Variants in PPP1R10 observed in about 807,000 individuals in gnomAD.
PPP1R10 encodes protein phosphatase 1 regulatory subunit 10.
PPP1R10 carries 15 observed loss-of-function variants against 99.0 expected under a neutral mutation model. The observed-to-expected ratio is 0.15, with a 90% CI of 0.10 to 0.23. The LOEUF (loss-of-function observed/expected upper bound fraction) is 0.23. Among genes scored for constraint, PPP1R10 ranks in the 10% least tolerant of loss-of-function variants. The probability of loss-of-function intolerance (pLI) is 1.00; values close to 1 mark genes in which losing one functional copy is unlikely to be tolerated. For missense variants in PPP1R10, 947 were observed against 1,259.4 expected, an observed-to-expected ratio of 0.75 and a Z score of 3.75; for synonymous variants, 430 against 449.5, an observed-to-expected ratio of 0.96 and a Z score of 0.55.
chr6:30,613,114 C>T (rs570056698), intron 2 of PPP1R10, among the ~76,000 whole-genome samples: 1 of 152,300 alleles, frequency 6.6e-6, no homozygotes, highest in East Asian at 1.9e-4. Flanking sequence ...TGGCACAAGG[C>T]ATTGGGGAAT....
At chr6:30,605,125 A>C (rs760704521) in intron 10 of PPP1R10, 31 bp from the exon 11 acceptor site, 1 of 1,583,680 alleles carries the variant, frequency 6.3e-7, no homozygotes, top group East Asian at 2.2e-5. Context: ...AAATGGCATC[A>C]TCAGACCTCC....
intron 10 of PPP1R10, among the ~76,000 whole-genome samples, chr6:30,605,538 C>A (rs534298978): frequency 1.3e-5 from 2 of 152,246 alleles, no homozygotes; most frequent in East Asian, 3.9e-4. Context: ...GAAAAAACTT[C>A]TCGTTCCCAG....
chr6:30,609,211 CT>C lies in PPP1R10; in HGVS notation c.108-49del. On this transcript the variant is annotated intron_variant, in intron 3 of 19. Transcript: ENST00000376511. The surrounding 1 kb of genome is among the most constrained non-coding windows in gnomAD (Gnocchi z 4.5). The stretch of plus-strand genomic sequence containing the variant: ...AGAAATGAAGCAGCCAGTATCTCTT[CT>C]CTTAGCAAAAGCGCCTCTCTGTGAA... 6.3e-7 allele frequency: 1 copy of C among 1,587,438 alleles called. No individual in the cohort carries two copies. The highest frequency in any genetic ancestry group is 8.6e-7 in the Non-Finnish European group (1 of 1,157,286).
At position 30,602,358 on chromosome 6, in the gene PPP1R10, C is replaced by T. The variant is rs139301937; in HGVS notation, c.2291G>A (p.Ser764Asn). ...GCCTTCGTGGGGACGATGTCCACTG[C>T]TGTTGCCCATGCCCCCACCAGGGCC... ...HEGPGGGMGN[S>N]SGHRPHEGPG... The change falls in exon 19 of 20, where the codon AGC (serine) becomes AAC (asparagine). Residue 764 changes from serine to asparagine, a missense_variant. Coordinates refer to ENST00000376511, the MANE Select transcript of PPP1R10 (RefSeq NM_002714.4). This position sits in a 1 kb window ranked among gnomAD's most constrained non-coding sequence, Gnocchi z 6.7. The T allele has an allele frequency of 4.3e-4, 693 of 1,612,934 alleles. No individual in the cohort carries two copies. Among genetic ancestry groups the T allele is most frequent in the Non-Finnish European group, 5.5e-4 (654 of 1,179,928 alleles).
intron 2 of PPP1R10, among the ~76,000 whole-genome samples, chr6:30,615,837 A>C (rs920050693): frequency 2.8e-4 from 42 of 152,188 alleles, no homozygotes; most frequent in Admixed American, 1.6e-3. Flanking sequence ...TTTTGTCCTA[A>C]GTGTCTTGCA....
chr6:30,602,760 A>T lies in PPP1R10; in HGVS notation c.1958-69T>A. ...CTGCCATCTCCCAACCTAAACCACC[A>T]CCTCCCACCTTCCAGTCAATCCTAT... On this transcript the variant is annotated intron_variant, in intron 18 of 19. Transcript: ENST00000376511. This position sits in a 1 kb window ranked among gnomAD's most constrained non-coding sequence, Gnocchi z 6.7. The T allele has an allele frequency of 6.4e-7, 1 of 1,561,402 alleles. No individual in the cohort carries two copies. Among genetic ancestry groups the T allele is most frequent in the Non-Finnish European group, 8.7e-7 (1 of 1,149,156 alleles).
rs1478151499 is a variant in PPP1R10 at position 30,609,614 on chromosome 6, C to G, written c.107+224G>C. ...CCTGCTCTCATTCCAAAGCATGACT[C>G]CCTTGGGACCGTGGACGTCCAAATC... On this transcript the variant is annotated intron_variant, in intron 3 of 19. Transcript: ENST00000376511. This position sits in a 1 kb window ranked among gnomAD's most constrained non-coding sequence, Gnocchi z 4.5. Among the ~76,000 whole-genome samples, 1 of 152,176 alleles carries G rather than the reference C, an allele frequency of 6.6e-6. No individual in the cohort carries two copies. The highest frequency in any genetic ancestry group is 1.5e-5 in the Non-Finnish European group (1 of 68,028).
chr6:30,604,421 C>G lies in PPP1R10; in HGVS notation c.1193G>C (p.Ser398Thr). Reference protein sequence around the residue: ...QLTRKGRKRKSVTWPEEGKLR... With the variant: ...QLTRKGRKRKTVTWPEEGKLR... Reference sequence around the variant, plus strand: ...TTTGCCTTCCTCAGGCCATGTCACACTTTTCCTCTTCCTGCCTTTCCGGGT... The same window carrying G: ...TTTGCCTTCCTCAGGCCATGTCACAGTTTTCCTCTTCCTGCCTTTCCGGGT... The change falls in exon 13 of 20, where the codon AGT becomes ACT. Residue 398 changes from serine (S) to threonine (T), a missense_variant. This residue lies in a region of PPP1R10 where 100 missense variants were observed against 105.8 expected (regional missense o/e 0.94). Coordinates refer to ENST00000376511, the MANE Select transcript of PPP1R10 (RefSeq NM_002714.4). The surrounding 1 kb of genome is among the most constrained non-coding windows in gnomAD (Gnocchi z 7.3). 1 of 1,613,650 alleles carries G rather than the reference C, an allele frequency of 6.2e-7. No individual in the cohort carries two copies. The highest frequency in any genetic ancestry group is 8.5e-7 in the Non-Finnish European group (1 of 1,180,040).
chr6:30,601,517 G>A lies in PPP1R10; in HGVS notation c.*32C>T. 6.4e-7 allele frequency: 1 copy of A among 1,571,216 alleles called. No individual in the cohort carries two copies. Among genetic ancestry groups the A allele is most frequent in the South Asian group, 1.1e-5 (1 of 90,094 alleles). ...GGAAAGAGCGAGGCTGCAGTCCACA[G>A]GGGTTGTGTGAACAGGGCAGGCAAA... On this transcript the variant is annotated 3_prime_UTR_variant, in exon 20 of 20. Transcript: ENST00000376511.
At chr6:30,613,152 G>A (rs947834382) in intron 2 of PPP1R10, among the ~76,000 whole-genome samples, 6 of 152,146 alleles carry the variant, frequency 3.9e-5, no homozygotes, top group African/African-American at 7.2e-5. Context: ...AGAGATAAAC[G>A]TCTGTGACAC....
At chr6:30,608,689 CA>C in intron 5 of PPP1R10, 89 bp downstream of exon 5, 2 of 1,454,524 alleles carry the variant, frequency 1.4e-6, no homozygotes, top group South Asian at 2.5e-5. Flanking sequence ...CTCACAGGCC[CA>C]AGATTACAGC....
At position 30,603,512 on chromosome 6, in the gene PPP1R10, C is replaced by G. The variant is rs148152155; in HGVS notation, c.1727G>C (p.Gly576Ala). The G allele has an allele frequency of 1.0e-4, 166 of 1,613,134 alleles. 1 individual carries two copies. The African/African-American group carries it at 1.7e-3, about 16-fold the overall frequency. ...GATCTCTTGGACATTAATGCCTCCT[C>G]CTCCAGGGCCTTGGGGGCCCTTTCC... ...GAGKGPQGPGGGGINVQEILT... is the reference protein window; with the variant it reads ...GAGKGPQGPGAGGINVQEILT... The change falls in exon 16 of 20, where the codon GGA becomes GCA. Residue 576 changes from glycine (G) to alanine (A), a missense_variant. This residue lies in a region of PPP1R10 where 525 missense variants were observed against 578.8 expected (regional missense o/e 0.91). Transcript: ENST00000376511.
chr6:30,613,116 T>C (rs2267640), intron 2 of PPP1R10, among the ~76,000 whole-genome samples: 6,760 of 152,266 alleles, frequency 0.044, 277 homozygotes, highest in African/African-American at 0.11. Flanking sequence ...GCACAAGGCA[T>C]TGGGGAATTT....
chr6:30,607,944 A>T, intron 5 of PPP1R10, 53 bp from the exon 6 acceptor site: 1 of 1,560,164 alleles, frequency 6.4e-7, no homozygotes, highest in Non-Finnish European at 8.8e-7. Context: ...AAATAATTCC[A>T]CTTAGAGCTA....
At position 30,603,664 on chromosome 6, in the gene PPP1R10, C is replaced by G. The variant is rs150312002; in HGVS notation, c.1575G>C (p.Glu525Asp). 1,169 of 1,585,054 alleles carry G rather than the reference C, an allele frequency of 7.4e-4. 7 individuals are homozygous for G. Among genetic ancestry groups the G allele is most frequent in the Admixed American group, 4.9e-3 (259 of 52,396 alleles). The change falls in exon 16 of 20, where the codon GAG becomes GAC. Residue 525 changes from glutamate to aspartate, a missense_variant and splice_region_variant. Coordinates refer to ENST00000376511, the MANE Select transcript of PPP1R10 (RefSeq NM_002714.4). Reference protein sequence around the residue: ...IPPKLIPLDEECSMDETPYVE... With the variant: ...IPPKLIPLDEDCSMDETPYVE... ...CATACGGAGTCTCATCCATGGAACA[C>G]TCCTGAAAGAAGAACAAAAAAAATC...
chr6:30,603,430 G>C (rs747871231), intron 16 of PPP1R10, 42 bp downstream of exon 16: 1 of 1,594,514 alleles, frequency 6.3e-7, no homozygotes, highest in Non-Finnish European at 8.6e-7. Context: ...CGAGCTTAAG[G>C]AGGCTCCACA....
Position 30,602,855 on chromosome 6 carries a change from G to T in PPP1R10, c.1948C>A (p.Pro650Thr). The change falls in exon 18 of 20, where the codon CCT (proline) becomes ACT (threonine). Residue 650 changes from proline to threonine, a missense_variant. Pro to Thr is a conservative substitution (Grantham distance 38). Around this residue, in one of 10 missense-constraint regions of PPP1R10, gnomAD observed 525 missense variants for 578.8 expected, o/e 0.91. Coordinates refer to ENST00000376511, the MANE Select transcript of PPP1R10 (RefSeq NM_002714.4). The surrounding 1 kb of genome is among the most constrained non-coding windows in gnomAD (Gnocchi z 6.7). ...MQHFPPGPGGPMPGPHGGPGG... is the reference protein window; with the variant it reads ...MQHFPPGPGGTMPGPHGGPGG... ...TTTACTCACCACCTACCTGGCATAGGTCCCCCAGGTCCAGGGGGAAAGTGC... is the reference window on the plus strand; with the variant it reads ...TTTACTCACCACCTACCTGGCATAGTTCCCCCAGGTCCAGGGGGAAAGTGC... The T allele has an allele frequency of 6.4e-7, 1 of 1,554,128 alleles. No individual in the cohort carries two copies. Among genetic ancestry groups the T allele is most frequent in the Non-Finnish European group, 8.7e-7 (1 of 1,147,802 alleles).
At chr6:30,608,447 G>A (rs760378426) in intron 5 of PPP1R10, among the ~76,000 whole-genome samples, 24 of 151,882 alleles carry the variant, frequency 1.6e-4, no homozygotes, top group Non-Finnish European at 3.2e-4. Context: ...GACTACAGGC[G>A]CATGCCACCA....
rs371365999 is a variant in PPP1R10 at position 30,612,258 on chromosome 6, G to A, written c.-11-2303C>T. 2.4e-4 allele frequency among the ~76,000 whole-genome samples: 37 copies of A among 152,306 alleles called. 1 individual carries two copies. Among genetic ancestry groups the A allele is most frequent in the African/African-American group, 8.7e-4 (36 of 41,560 alleles). On this transcript the variant is annotated intron_variant, in intron 2 of 19. Coordinates refer to ENST00000376511, the MANE Select transcript of PPP1R10 (RefSeq NM_002714.4). Reference sequence around the variant, plus strand: ...AGAGTTGAATATATATAACCCTGGAGAATTCCTTTTTGCATATCCAACTAC... The same window carrying A: ...AGAGTTGAATATATATAACCCTGGAAAATTCCTTTTTGCATATCCAACTAC...
Sources: gnomAD v4.1 joint callset for allele counts (sites outside exome capture counted in the v4.1 genomes callset) on GRCh38, gnomAD v4.1.1 for gene constraint, gnomAD v4.1.1 regional missense constraint, Gnocchi (gnomAD v3.1) non-coding constraint, MANE v1.5 for transcripts, NCBI Gene and HGNC (gene_info 2026-07-23, HGNC 2026-07-21) for gene names.